LTBP1: variants seen among roughly 807,000 people sequenced by gnomAD.
LTBP1 encodes the protein latent transforming growth factor beta binding protein 1.
Under a neutral mutation model 207.6 loss-of-function variants are expected in LTBP1, and 129 were observed. The observed-to-expected ratio is 0.62, with a 90% CI of 0.54 to 0.72. The LOEUF (loss-of-function observed/expected upper bound fraction) is 0.72. Ranked by LOEUF, LTBP1 falls within the 30% of genes least tolerant of loss-of-function variation. The pLI is 0.00. For synonymous variants in LTBP1, 963 were observed against 833.7 expected (o/e 1.16, Z -2.67); for missense variants, 2,281 against 2,217.2 (o/e 1.03, Z -0.58).
chr2:32,998,592 A>AATGTT (rs1309192833), intron 2 of LTBP1, among the ~76,000 whole-genome samples: 1 of 148,022 alleles, frequency 6.8e-6, no homozygotes, highest in African/African-American at 2.5e-5. Context: ...CATATAACTG[A>AATGTT]ATGTTATGAA....
At chr2:33,378,181 A>ATG (rs1191265116) in intron 31 of LTBP1, among the ~76,000 whole-genome samples, 32 of 115,922 alleles carry the variant, frequency 2.8e-4, no homozygotes, top group African/African-American at 1.2e-3. Flanking sequence ...TCATATATAT[A>ATG]TATATGTGTG....
chr2:32,962,689 G>A (rs1679319020), intron 2 of LTBP1, among the ~76,000 whole-genome samples: 1 of 152,228 alleles, frequency 6.6e-6, no homozygotes, highest in African/African-American at 2.4e-5. Flanking sequence ...GAGTGTTAAA[G>A]GCTCTTTTCT....
chr2:33,116,973 C>A (rs1263435317), intron 4 of LTBP1, among the ~76,000 whole-genome samples: 1 of 152,174 alleles, frequency 6.6e-6, no homozygotes, highest in African/African-American at 2.4e-5. Context: ...ACATCTTAGC[C>A]CTGAGTTCTG....
At position 33,303,672 on chromosome 2, in the gene LTBP1, G is replaced by T. The variant is rs145405126; in HGVS notation, c.3481+2028G>T. Among the ~76,000 whole-genome samples, 1,027 of 152,178 alleles carry T rather than the reference G, an allele frequency of 6.7e-3. 9 individuals are homozygous for T. The highest frequency in any genetic ancestry group is 0.022 in the African/African-American group (913 of 41,542). ...GCCTGCATTGGTTAGATTCTCATAA[G>T]GAGCGTGCAACCTAGATCCCTCACA... On this transcript the variant is annotated intron_variant, in intron 22 of 33. Coordinates refer to ENST00000404816, the MANE Select transcript of LTBP1 (RefSeq NM_206943.4).
intron 7 of LTBP1, among the ~76,000 whole-genome samples, chr2:33,189,342 C>T (rs1466480642): frequency 2.0e-5 from 3 of 152,106 alleles, no homozygotes; most frequent in Non-Finnish European, 4.4e-5. Context: ...ATTATAGGCA[C>T]GTGCCACCAC....
At chr2:33,389,052 C>T in intron 31 of LTBP1, 132 bp from the exon 32 acceptor site, 3 of 1,245,942 alleles carry the variant, frequency 2.4e-6, no homozygotes, top group Non-Finnish European at 3.4e-6. Flanking sequence ...TTTCCAGGCT[C>T]AGTGGTACGC....
At chr2:33,274,929 C>A in intron 16 of LTBP1, 36 bp from the exon 17 acceptor site, 1 of 1,601,658 alleles carries the variant, frequency 6.2e-7, no homozygotes, top group South Asian at 1.1e-5. Context: ...TCTTGCTACA[C>A]AGAACTAATA....
chr2:33,172,596 G>A (rs1331658760), intron 5 of LTBP1, among the ~76,000 whole-genome samples: 3 of 152,196 alleles, frequency 2.0e-5, no homozygotes, highest in East Asian at 3.9e-4. Context: ...ACAGATCAGC[G>A]AGACAGAAAG....
intron 4 of LTBP1, among the ~76,000 whole-genome samples, chr2:33,131,664 T>C (rs1349678496): frequency 2.0e-5 from 3 of 152,226 alleles, no homozygotes; most frequent in Non-Finnish European, 2.9e-5. Flanking sequence ...CAAGTGTCTG[T>C]TTTAGAATTA....
At chr2:33,192,433 C>G (rs1484875685) in intron 7 of LTBP1, among the ~76,000 whole-genome samples, 3 of 151,350 alleles carry the variant, frequency 2.0e-5, no homozygotes, top group East Asian at 1.9e-4. Flanking sequence ...CAGGGAATAC[C>G]AAGGGTAAAG....
At chr2:33,013,078 G>T (rs1687893020) in intron 2 of LTBP1, among the ~76,000 whole-genome samples, 1 of 152,126 alleles carries the variant, frequency 6.6e-6, no homozygotes, top group Admixed American at 6.5e-5. Context: ...AAATAGCGCT[G>T]CTGTGGACAC....
At chr2:33,053,604 C>T (rs941721634) in intron 3 of LTBP1, among the ~76,000 whole-genome samples, 10 of 151,842 alleles carry the variant, frequency 6.6e-5, no homozygotes, top group South Asian at 4.2e-4. Context: ...TTGCTGTATC[C>T]GGGGATCCAT....
intron 20 of LTBP1, among the ~76,000 whole-genome samples, chr2:33,297,296 A>G (rs1378089431): frequency 6.6e-6 from 1 of 151,988 alleles, no homozygotes; most frequent in Non-Finnish European, 1.5e-5. Flanking sequence ...ATTTCATGCA[A>G]TCCTCATATC....
At chr2:33,370,544 G>T (rs1452382742) in intron 31 of LTBP1, among the ~76,000 whole-genome samples, 1 of 152,206 alleles carries the variant, frequency 6.6e-6, no homozygotes, top group African/African-American at 2.4e-5. Context: ...CCATCTAATA[G>T]CATCTAACTT....
In LTBP1 at chr2:33,293,174, C is replaced by T. The variant is rs2093808650; in HGVS notation, c.3127C>T (p.Leu1043=). 2 of 1,613,424 alleles carry T rather than the reference C, an allele frequency of 1.2e-6. No individual in the cohort carries two copies. Among genetic ancestry groups the T allele is most frequent in the Non-Finnish European group, 1.7e-6 (2 of 1,179,868 alleles). The stretch of plus-strand genomic sequence containing the variant: ...CATTCTTCAAGATGTGGACGAGTGC[C>T]TGGAACCAAACGTCTGCGCAAATGG... The part of the protein sequence containing the change: ...NGQCLDVDEC[L]EPNVCANGDC... Residue 1043 remains leucine, a synonymous_variant, in exon 20 of 34, where the codon CTG becomes TTG. Transcript: ENST00000404816.
intron 8 of LTBP1, among the ~76,000 whole-genome samples, chr2:33,221,151 A>G (rs1188377609): frequency 6.6e-6 from 1 of 152,212 alleles, no homozygotes; most frequent in East Asian, 1.9e-4. Flanking sequence ...ACTGCAGGAC[A>G]TAGCAATGGC....
chr2:33,354,809 T>C (rs1386926174), intron 26 of LTBP1, among the ~76,000 whole-genome samples: 2 of 152,018 alleles, frequency 1.3e-5, no homozygotes, highest in South Asian at 2.1e-4. Context: ...TGTACGATCA[T>C]GGTTCACTGC....
At chr2:33,390,313 G>C (rs2095304591) in intron 32 of LTBP1, among the ~76,000 whole-genome samples, 1 of 152,134 alleles carries the variant, frequency 6.6e-6, no homozygotes, top group South Asian at 2.1e-4. Flanking sequence ...AAACACACAA[G>C]CTCAAATCAG....
chr2:33,035,918 A>T (rs1365090712), intron 3 of LTBP1, among the ~76,000 whole-genome samples: 1 of 152,220 alleles, frequency 6.6e-6, no homozygotes, highest in Non-Finnish European at 1.5e-5. Context: ...AGAGGCTCTT[A>T]CGTGGTCCTT....
Sources: allele counts gnomAD v4.1 joint callset (sites outside exome capture counted in the v4.1 genomes callset), GRCh38; gene constraint gnomAD v4.1.1; transcripts MANE v1.5; gene names NCBI Gene and HGNC (gene_info 2026-07-23, HGNC 2026-07-21).